The following DKK3 variants were observed in gnomAD, a reference collection of about 807,000 sequenced individuals.
The protein encoded by DKK3 is dickkopf Wnt signaling pathway inhibitor 3, also known as dickkopf-related protein 3.
In DKK3, 22 loss-of-function variants were observed where a neutral mutation model predicts 33.2. The ratio of observed to expected loss-of-function variants is 0.66; its 90% CI spans 0.47 to 0.95. DKK3 has a LOEUF of 0.95. Ranked by LOEUF, DKK3 falls within the 40% of genes least tolerant of loss-of-function variation. DKK3 has a pLI of 0.00. For missense variants in DKK3, 398 were observed against 458.4 expected (o/e 0.87, Z 1.20); for synonymous variants, 194 against 188.8 (o/e 1.03, Z -0.23).
At chr11:11,969,897 G>T (rs955676492) in intron 3 of DKK3, among the ~76,000 whole-genome samples, 1 of 152,284 alleles carries the variant, frequency 6.6e-6, no homozygotes, top group African/African-American at 2.4e-5. Flanking sequence ...TGATACCATC[G>T]CTGTTTTTAC....
intron 3 of DKK3, chr11:11,978,817 T>C (rs1167652075): frequency 6.6e-6 from 1 of 152,234 alleles, no homozygotes; most frequent in African/African-American, 2.4e-5. Context: ...TCCTAAGCAT[T>C]AACTCACATG....
intron 1 of DKK3, among the ~76,000 whole-genome samples, chr11:12,005,870 T>C (rs1035533589): frequency 6.6e-6 from 1 of 152,210 alleles, no homozygotes; most frequent in African/African-American, 2.4e-5. Flanking sequence ...TATTCTATTT[T>C]TGAAGATATC....
Position 12,008,275 on chromosome 11 carries a change from C to G in DKK3, c.213+95G>C. On this transcript the variant is annotated intron_variant, in intron 1 of 6. Coordinates refer to ENST00000683431, the MANE Select transcript of DKK3 (RefSeq NM_001018057.2). This position sits in a 1 kb window ranked among gnomAD's most constrained non-coding sequence, Gnocchi z 4.6. ...CCCTTCCCAGGCCCTGCGCGGGACC[C>G]GAGGTCCCTGGCCAGCGCTCTTCCA... 2 of 1,442,524 alleles carry G rather than the reference C, an allele frequency of 1.4e-6. No individual in the cohort carries two copies. Among genetic ancestry groups the G allele is most frequent in the African/African-American group, 2.8e-5 (2 of 70,188 alleles). The allele number at this position is 1,442,524 out of a possible 1,614,324, so 89.4% of individuals were successfully genotyped here. A position where few individuals can be genotyped will look rare whatever the true frequency, so the allele number is the denominator to read the frequency against.
intron 3 of DKK3, among the ~76,000 whole-genome samples, chr11:11,991,337 A>G (rs1848182799): frequency 6.6e-6 from 1 of 152,120 alleles, no homozygotes; most frequent in Non-Finnish European, 1.5e-5. Context: ...TGGAGGTGGG[A>G]CCTAGCAGAA....
chr11:12,003,166 C>T (rs780095405), intron 1 of DKK3, among the ~76,000 whole-genome samples: 17 of 152,212 alleles, frequency 1.1e-4, no homozygotes, highest in Non-Finnish European at 1.8e-4. Flanking sequence ...TCTGGGAGCA[C>T]ATCCCAAATG....
chr11:11,968,800 TC>T, intron 3 of DKK3: 1 of 255,910 alleles, frequency 3.9e-6, no homozygotes, highest in Non-Finnish European at 7.4e-6. Context: ...GGGCTGGTCT[TC>T]CACACAGAAC....
intron 3 of DKK3, among the ~76,000 whole-genome samples, chr11:11,972,683 A>G (rs1340736324): frequency 1.3e-5 from 2 of 152,196 alleles, no homozygotes; most frequent in South Asian, 4.1e-4. Flanking sequence ...AGTGCCCTCC[A>G]AGCACAGACA....
At chr11:11,983,641 G>A (rs1308425545) in intron 3 of DKK3, among the ~76,000 whole-genome samples, 7 of 152,340 alleles carry the variant, frequency 4.6e-5, no homozygotes, top group African/African-American at 1.7e-4. Flanking sequence ...GCAGCCACAG[G>A]ACAGAGGCCT....
At chr11:12,004,689 G>T (rs1158778724) in intron 1 of DKK3, among the ~76,000 whole-genome samples, 1 of 152,184 alleles carries the variant, frequency 6.6e-6, no homozygotes, top group Non-Finnish European at 1.5e-5. Flanking sequence ...GTCCTACTTT[G>T]TTGAGTAGAT....
At chr11:11,984,368 T>G (rs1384030588) in intron 3 of DKK3, among the ~76,000 whole-genome samples, 1 of 152,222 alleles carries the variant, frequency 6.6e-6, no homozygotes, top group Non-Finnish European at 1.5e-5. Context: ...TAAATGCTAT[T>G]TTAAGATATG....
intron 4 of DKK3, among the ~76,000 whole-genome samples, chr11:11,967,326 C>G (rs555934688): frequency 1.5e-4 from 23 of 152,326 alleles, no homozygotes; most frequent in African/African-American, 5.1e-4. Flanking sequence ...ACTCATGGAT[C>G]TGAGTCTTTC....
At chr11:11,978,720 A>G (rs1366070639) in intron 3 of DKK3, 2 of 152,166 alleles carry the variant, frequency 1.3e-5, no homozygotes, top group African/African-American at 4.8e-5. Flanking sequence ...ATTGTGTATG[A>G]TAACAGGGGT....
chr11:11,996,572 G>A (rs181473656), intron 3 of DKK3, among the ~76,000 whole-genome samples: 20 of 152,270 alleles, frequency 1.3e-4, no homozygotes, highest in East Asian at 9.6e-4. Context: ...CTGTGGGATC[G>A]TCCAGACACT....
rs1383731133 is a variant in DKK3, at chr11:11,965,817, C to G, written c.822G>C (p.Gln274His). The G allele has an allele frequency of 6.2e-7, 1 of 1,613,924 alleles. No homozygotes were observed. The highest frequency in any genetic ancestry group is 8.5e-7 in the Non-Finnish European group (1 of 1,179,988). Residue 274 changes from glutamine to histidine, a missense_variant, in exon 6 of 7, where the codon CAG becomes CAC. By Grantham distance (24) the Gln-to-His change is conservative. Transcript: ENST00000683431. The part of the protein sequence containing the change: ...RCPCASGLLC[Q>H]PHSHSLVYVC... ...GGGTTAGGGGGCCTCACCTGTGGGG[C>G]TGGCAGAGGAGGCCACTGGCACAAG...
At chr11:11,966,760 G>C (rs7480000) in intron 5 of DKK3, among the ~76,000 whole-genome samples, 194 bp downstream of exon 5, 98,521 of 151,694 alleles carry the variant, frequency 0.65, 32,268 homozygotes, top group Admixed American at 0.73. Flanking sequence ...AGCATCAACA[G>C]GGGAAAAAAA....
intron 3 of DKK3, among the ~76,000 whole-genome samples, chr11:11,974,598 A>G (rs778050068): frequency 6.6e-6 from 1 of 152,196 alleles, no homozygotes; most frequent in African/African-American, 2.4e-5. Context: ...ATGACTGTGG[A>G]GCCCTCAGGA....
At chr11:11,964,737 G>T in intron 6 of DKK3, 51 bp from the exon 7 acceptor site, 1 of 1,574,682 alleles carries the variant, frequency 6.4e-7, no homozygotes, top group Non-Finnish European at 8.6e-7. Context: ...GCCTGCCCAG[G>T]CCGAAAGCTA....
At position 11,998,716 on chromosome 11, in the gene DKK3, C is replaced by A. The variant is rs372500840; in HGVS notation, c.415G>T (p.Glu139Ter). 4 of 1,614,044 alleles carry A rather than the reference C, an allele frequency of 2.5e-6. No individual in the cohort carries two copies. In the African/African-American group the frequency reaches 5.3e-5, roughly 22 times the overall value. Residue 139 changes from glutamate (E) to a stop codon, truncating the protein, a stop_gained, in exon 3 of 7, where the codon GAA becomes TAA. Transcript: ENST00000683431. LOFTEE classifies it high-confidence loss of function. ...SETVITSVGD[E>*]EGRRSHECII... Reference sequence around the variant, plus strand: ...CTTACGTGGCTCCTTCTGCCTTCTTCGTCTCCCACAGATGTGATAACTGTC... The same window carrying A: ...CTTACGTGGCTCCTTCTGCCTTCTTAGTCTCCCACAGATGTGATAACTGTC...
intron 3 of DKK3, among the ~76,000 whole-genome samples, chr11:11,991,061 T>C (rs1026207835): frequency 6.6e-6 from 1 of 152,190 alleles, no homozygotes; most frequent in Admixed American, 6.5e-5. Context: ...GCCTGCAGGT[T>C]CCACACTGCC....
Sources: gnomAD v4.1 joint callset for allele counts (sites outside exome capture counted in the v4.1 genomes callset) on GRCh38, gnomAD v4.1.1 for gene constraint, Gnocchi (gnomAD v3.1) non-coding constraint, MANE v1.5 for transcripts, NCBI Gene and HGNC (gene_info 2026-07-23, HGNC 2026-07-21) for gene names.